The following RPP40 variants were observed in gnomAD, a reference collection of about 807,000 sequenced individuals.
RPP40 encodes ribonuclease P protein subunit p40.
Under a neutral mutation model 42.5 loss-of-function variants are expected in RPP40, and 30 were observed. The observed-to-expected ratio is 0.71, with a 90% confidence interval of 0.53 to 0.96. The LOEUF is 0.96. Ranked by LOEUF, RPP40 falls within the 40% of genes least tolerant of loss-of-function variation. The pLI is 0.00. For synonymous variants in RPP40, 173 were observed against 164.0 expected, an observed-to-expected ratio of 1.05 and a Z score of -0.42; for missense variants, 426 against 433.5, an observed-to-expected ratio of 0.98 and a Z score of 0.15.
chr6:5,003,795 C>A, intron 1 of RPP40, 85 bp downstream of exon 1: 1 of 1,466,578 alleles, frequency 6.8e-7, no homozygotes. Context: ...GCGGCCCCGC[C>A]CCGCGAAGCC....
chr6:4,988,874 CTTTTA>C, the RPP40 span, among the ~76,000 whole-genome samples: 1 of 152,062 alleles, frequency 6.6e-6, no homozygotes, highest in African/African-American at 2.4e-5. Context: ...TTCATGTTTT[CTTTTA>C]TAAGTAAACT....
chr6:5,003,914 C>A lies in RPP40; in HGVS notation c.89G>T (p.Arg30Leu), dbSNP rs1759673698. Residue 30 changes from arginine to leucine, a missense_variant, in exon 1 of 8, where the codon CGG becomes CTG. By Grantham distance (102) the Arg-to-Leu change is moderately radical (BLOSUM62 -2). Transcript: ENST00000380051. ...SNFGNHKSRH[R>L]HLVQTHYYNY... ...ATAGTAGTGCGTCTGCACAAGATGC[C>A]GGTGGCGCGACTTGTGGTTGCCGAA... 8.7e-6 allele frequency: 14 copies of A among 1,613,766 alleles called. No individual in the cohort carries two copies. The highest frequency in any genetic ancestry group is 1.2e-5 in the Non-Finnish European group (14 of 1,179,760).
At chr6:5,003,674 G>C (rs2127544608) in intron 1 of RPP40, 2 of 547,888 alleles carry the variant, frequency 3.7e-6, no homozygotes, top group East Asian at 6.6e-5. Flanking sequence ...CACGCCCGGC[G>C]CATCCTGGGA....
chr6:4,993,264 C>T (rs763966933), downstream of RPP40, among the ~76,000 whole-genome samples: 5 of 152,170 alleles, frequency 3.3e-5, no homozygotes, highest in African/African-American at 9.7e-5. Context: ...TTAATTTCTT[C>T]ATATCCATTA....
chr6:5,002,036 C>T lies in RPP40; in HGVS notation c.268+65G>A, dbSNP rs1428766088. On this transcript the variant is annotated intron_variant, in intron 2 of 7. Transcript: ENST00000380051. The stretch of plus-strand genomic sequence containing the variant: ...TGAAACAAAACAACAGCCCTAGCAT[C>T]GTGATGTGGTCTCCCTACCCTTCCT... 7 of 1,420,392 alleles carry T rather than the reference C, an allele frequency of 4.9e-6. No individual in the cohort carries two copies. The East Asian group carries it at 9.1e-5, about 18-fold the overall frequency. The allele number at this position is 1,420,392 out of a possible 1,614,324, so 88.0% of individuals were successfully genotyped here.
intron 5 of RPP40, among the ~76,000 whole-genome samples, chr6:4,997,245 G>C (rs562766144): frequency 9.8e-5 from 15 of 152,354 alleles, no homozygotes; most frequent in African/African-American, 3.6e-4. Flanking sequence ...GGTGTTTCTG[G>C]AGGAGACTGG....
In RPP40 at chr6:5,003,809, C is replaced by A. The variant is rs574999830; in HGVS notation, c.123+71G>T. On this transcript the variant is annotated intron_variant, in intron 1 of 7. Coordinates refer to ENST00000380051, the MANE Select transcript of RPP40 (RefSeq NM_006638.4). The stretch of plus-strand genomic sequence containing the variant: ...GGCGGCCCCGCCCCGCGAAGCCTAG[C>A]ACTCTCCCCAAACCTCTCTCGCACG... 5 of 1,534,380 alleles carry A rather than the reference C, an allele frequency of 3.3e-6. No individual in the cohort carries two copies. In the Admixed American group the frequency reaches 8.0e-5, roughly 24 times the overall value.
chr6:4,998,750 C>A lies in RPP40; in HGVS notation c.525G>T (p.Leu175Phe). Residue 175 changes from leucine (L) to phenylalanine (F), a missense_variant, in exon 5 of 8, where the codon TTG becomes TTT. Transcript: ENST00000380051. ...GCCAAGCCAAAAGAAAATCAAATTT[C>A]AATGGCTTCTTTTCTTTGAAAGACC... ...ISWSFKEKKPLKFDFLLAWHK... is the reference protein window; with the variant it reads ...ISWSFKEKKPFKFDFLLAWHK... 1 of 1,563,360 alleles carries A rather than the reference C, an allele frequency of 6.4e-7. No homozygotes were observed. The highest frequency in any genetic ancestry group is 1.2e-5 in the South Asian group (1 of 85,392).
chr6:4,992,021 C>T (rs1759267218), downstream of RPP40, among the ~76,000 whole-genome samples: 1 of 152,152 alleles, frequency 6.6e-6, no homozygotes, highest in African/African-American at 2.4e-5. Context: ...GCCCACTGTG[C>T]TTCCTGCACA....
rs1345364942 is a variant in RPP40, at chr6:5,004,011, G to A, written c.-9C>T. 10 of 1,598,044 alleles carry A rather than the reference G, an allele frequency of 6.3e-6. No individual in the cohort carries two copies. Among genetic ancestry groups the A allele is most frequent in the East Asian group, 2.3e-5 (1 of 44,346 alleles). On this transcript the variant is annotated 5_prime_UTR_variant, in exon 1 of 8. Coordinates refer to ENST00000380051, the MANE Select transcript of RPP40 (RefSeq NM_006638.4). ...CGGCGCAGCGTGGCCATGCTCTCCT[G>A]GGTTCCTGGTCCTCCCGGCCTCCGC...
At chr6:5,003,728 A>T in intron 1 of RPP40, 152 bp downstream of exon 1, 1 of 971,820 alleles carries the variant, frequency 1.0e-6, no homozygotes, top group Non-Finnish European at 1.5e-6. Flanking sequence ...TAGAGCAGTT[A>T]AGAGACTACA....
chr6:4,995,081 T>A lies in RPP40; in HGVS notation c.1089A>T (p.Pro363=). Reference sequence around the variant, plus strand: ...CACGATTTTTAATTTTTATTTTTTATGGTGGACAGTGATCATTTGCCCCAA... The same window carrying A: ...CACGATTTTTAATTTTTATTTTTTAAGGTGGACAGTGATCATTTGCCCCAA... ...MAVGANDHCP[P] The change falls in exon 8 of 8, where the codon CCA becomes CCT. Residue 363 remains proline, a synonymous_variant. Coordinates refer to ENST00000380051, the MANE Select transcript of RPP40 (RefSeq NM_006638.4). 1 of 1,604,478 alleles carries A rather than the reference T, an allele frequency of 6.2e-7. No individual in the cohort carries two copies. Among genetic ancestry groups the A allele is most frequent in the Non-Finnish European group, 8.5e-7 (1 of 1,176,568 alleles).
chr6:4,996,397 A>G lies in RPP40; in HGVS notation c.583T>C (p.Ser195Pro), dbSNP rs544733891. The change falls in exon 6 of 8, where the codon TCA (serine) becomes CCA (proline). Residue 195 changes from serine to proline, a missense_variant. By Grantham distance (74) the Ser-to-Pro change is moderately conservative (BLOSUM62 -1). Transcript: ENST00000380051. Reference sequence around the variant, plus strand: ...TGAATTTGGTACTTGGAAAAATATGACATCATTGTCGATTCTTCTGAACCT... The same window carrying G: ...TGAATTTGGTACTTGGAAAAATATGGCATCATTGTCGATTCTTCTGAACCT... ...KTGSEESTMM[S>P]YFSKYQIQEH... 6.2e-7 allele frequency: 1 copy of G among 1,613,462 alleles called. No homozygotes were observed. Among genetic ancestry groups the G allele is most frequent in the Admixed American group, 1.7e-5 (1 of 60,036 alleles).
intron 4 of RPP40, among the ~76,000 whole-genome samples, chr6:4,999,588 G>A (rs1385590806): frequency 2.3e-4 from 35 of 152,148 alleles, no homozygotes; most frequent in Non-Finnish European, 1.5e-5. Context: ...ATATTTAATT[G>A]ACCAGTCCAA....
chr6:4,997,252 C>A (rs888850868), intron 5 of RPP40, among the ~76,000 whole-genome samples: 1 of 152,224 alleles, frequency 6.6e-6, no homozygotes, highest in Non-Finnish European at 1.5e-5. Flanking sequence ...CTGGAGGAGA[C>A]TGGCAGGTGA....
rs439795 is a variant in RPP40, at chr6:4,999,793, C to T, written c.433+16G>A. ...ACAAGAAGATTAGAAACAGATGGAACACACATGATACTTACTAAATTTCAT... is the reference window on the plus strand; with the variant it reads ...ACAAGAAGATTAGAAACAGATGGAATACACATGATACTTACTAAATTTCAT... On this transcript the variant is annotated intron_variant, in intron 4 of 7. Coordinates refer to ENST00000380051, the MANE Select transcript of RPP40 (RefSeq NM_006638.4). The T allele has an allele frequency of 0.21, 276,157 of 1,345,158 alleles. 29,708 individuals carry two copies. Among genetic ancestry groups the T allele is most frequent in the African/African-American group, 0.29 (20,288 of 69,406 alleles). The allele number at this position is 1,345,158 out of a possible 1,614,324, so 83.3% of individuals were successfully genotyped here.
rs1246424703 is a variant in RPP40, at chr6:4,996,099, A to G, written c.759-14T>C. The G allele has an allele frequency of 6.2e-7, 1 of 1,613,552 alleles. No individual in the cohort carries two copies. The highest frequency in any genetic ancestry group is 8.5e-7 in the Non-Finnish European group (1 of 1,179,704). On this transcript the variant is annotated splice_polypyrimidine_tract_variant and intron_variant, in intron 6 of 7. Coordinates refer to ENST00000380051, the MANE Select transcript of RPP40 (RefSeq NM_006638.4). ...GGCTCATTATTTCTGTCACCAAAAAAATAAAAGAGAGAGAGATAACACATG... is the reference window on the plus strand; with the variant it reads ...GGCTCATTATTTCTGTCACCAAAAAGATAAAAGAGAGAGAGATAACACATG...
At chr6:4,994,239 C>A (rs1759304603), downstream of RPP40, among the ~76,000 whole-genome samples, 1 of 116,416 alleles carries the variant, frequency 8.6e-6, no homozygotes. Context: ...CACACCGGGG[C>A]CTGTTGTGGG....
At position 4,996,012 on chromosome 6, in the gene RPP40, A is replaced by G; in HGVS notation, c.832T>C (p.Leu278=). ...EPSTVVAKAY[L]CTITGFILPE... is the part of the protein sequence containing the mutation. ...AGTATGAAGCCAGTGATTGTACACAAATAAGCTTTTGCCACCACTGTGCTT... is the reference window on the plus strand; with the variant it reads ...AGTATGAAGCCAGTGATTGTACACAGATAAGCTTTTGCCACCACTGTGCTT... The change falls in exon 7 of 8, where the codon TTG becomes CTG. Residue 278 remains leucine (L), a synonymous_variant. Transcript: ENST00000380051. The G allele has an allele frequency of 2.5e-6, 4 of 1,614,066 alleles. No individual in the cohort carries two copies. Among genetic ancestry groups the G allele is most frequent in the Non-Finnish European group, 3.4e-6 (4 of 1,179,904 alleles).
Sources: gnomAD v4.1 joint callset for allele counts (sites outside exome capture counted in the v4.1 genomes callset) on GRCh38, gnomAD v4.1.1 for gene constraint, MANE v1.5 for transcripts, NCBI Gene and HGNC (gene_info 2026-07-23, HGNC 2026-07-21) for gene names.